CASKIN1: variants seen among roughly 807,000 people sequenced by gnomAD.
The protein encoded by CASKIN1 is caskin-1.
Under a neutral mutation model 117.5 loss-of-function variants are expected in CASKIN1, and 42 were observed. The ratio of observed to expected loss-of-function variants is 0.36; its 90% CI spans 0.28 to 0.46. The LOEUF (loss-of-function observed/expected upper bound fraction) is 0.46. CASKIN1 is among the 20% of genes least tolerant of loss of function. The pLI is 1.00. For synonymous variants in CASKIN1, 1,148 were observed against 961.7 expected, an observed-to-expected ratio of 1.19 and a Z score of -3.59; for missense variants, 2,083 against 2,077.3, an observed-to-expected ratio of 1.00 and a Z score of -0.05.
At chr16:2,195,227 T>C (rs552810531) in intron 1 of CASKIN1, among the ~76,000 whole-genome samples, 1 of 152,280 alleles carries the variant, frequency 6.6e-6, no homozygotes, top group East Asian at 1.9e-4. Flanking sequence ...TAGCCAGTCA[T>C]GGGCTGCTGG....
At chr16:2,194,719 C>T (rs1352928270) in intron 1 of CASKIN1, among the ~76,000 whole-genome samples, 2 of 152,194 alleles carry the variant, frequency 1.3e-5, no homozygotes, top group African/African-American at 4.8e-5. Context: ...GCAGGTGTCT[C>T]TCCTGTCCCA....
chr16:2,185,648 G>T (rs958100926), intron 10 of CASKIN1, among the ~76,000 whole-genome samples: 5 of 152,262 alleles, frequency 3.3e-5, no homozygotes, highest in Admixed American at 3.3e-4. Flanking sequence ...TGGGCAGGGG[G>T]CCAGAGATTG....
chr16:2,178,518 G>T lies in CASKIN1; in HGVS notation c.*32C>A. 6.6e-7 allele frequency: 1 copy of T among 1,526,296 alleles called. No homozygotes were observed. Among genetic ancestry groups the T allele is most frequent in the East Asian group, 2.6e-5 (1 of 39,138 alleles). 94.5% of individuals were successfully genotyped at this position (1,526,296 alleles called of 1,614,324 possible). ...ATAGGTCAGTGTGCGGGGAGGGCCC[G>T]GGCGGCGCGGGAGGGCCCGGCCAGG... On this transcript the variant is annotated 3_prime_UTR_variant, in exon 20 of 20. Coordinates refer to ENST00000343516, the MANE Select transcript of CASKIN1 (RefSeq NM_020764.4).
rs574783614 is a variant in CASKIN1 at position 2,189,268 on chromosome 16, C to T, written c.456G>A (p.Leu152=). The change falls in exon 5 of 20, where the codon CTG becomes CTA. Residue 152 remains leucine, a synonymous_variant. Coordinates refer to ENST00000343516, the MANE Select transcript of CASKIN1 (RefSeq NM_020764.4). The stretch of plus-strand genomic sequence containing the variant: ...CGCGGCCGAACTCGCAGGCCAGGTC[C>T]AGGGGCGTCTTCCCCGAGTTGTCCA... ...CMVDNSGKTP[L]DLACEFGRVG... 3.2e-5 allele frequency: 51 copies of T among 1,613,286 alleles called. 2 individuals are homozygous for T. In the South Asian group the frequency reaches 3.8e-4, roughly 12 times the overall value.
intron 16 of CASKIN1, among the ~76,000 whole-genome samples, chr16:2,183,041 C>A (rs1289729247): frequency 6.6e-6 from 1 of 152,232 alleles, no homozygotes; most frequent in Non-Finnish European, 1.5e-5. Context: ...CCTACCTCGG[C>A]CTCCCAAAGT....
chr16:2,180,851 G>A lies in CASKIN1; in HGVS notation c.2517C>T (p.Pro839=), dbSNP rs541957148. ...CAGCCGGCCCCACCTCGCCCTCCACGGGCTGGGGCAGCACGTAGGCAAAGC... is the reference window on the plus strand; with the variant it reads ...CAGCCGGCCCCACCTCGCCCTCCACAGGCTGGGGCAGCACGTAGGCAAAGC... ...HRGFAYVLPQ[P]VEGEVGPAAP... is the part of the protein sequence containing the mutation. The change falls in exon 18 of 20, where the codon CCC becomes CCT. Residue 839 remains proline, a synonymous_variant. Coordinates refer to ENST00000343516, the MANE Select transcript of CASKIN1 (RefSeq NM_020764.4). 34 of 1,399,806 alleles carry A rather than the reference G, an allele frequency of 2.4e-5. 2 individuals carry two copies. The South Asian group carries it at 4.1e-4, about 17-fold the overall frequency. The allele number at this position is 1,399,806 out of a possible 1,614,324, so 86.7% of individuals were successfully genotyped here. A position where few individuals can be genotyped will look rare whatever the true frequency, so the allele number is the denominator to read the frequency against.
At chr16:2,185,282 T>C (rs1670048940) in intron 11 of CASKIN1, 25 bp downstream of exon 11, 2 of 1,595,380 alleles carry the variant, frequency 1.3e-6, no homozygotes, top group African/African-American at 2.7e-5. Flanking sequence ...TCCTGCCACC[T>C]CTGCCCTTCA....
rs770934326 is a variant in CASKIN1, at chr16:2,189,517, T to C, written c.292A>G (p.Met98Val). 3.1e-6 allele frequency: 5 copies of C among 1,611,964 alleles called. No homozygotes were observed. The highest frequency in any genetic ancestry group is 4.2e-6 in the Non-Finnish European group (5 of 1,179,754). Residue 98 changes from methionine (M) to valine (V), a missense_variant, in exon 4 of 20, where the codon ATG (methionine) becomes GTG (valine). Physicochemically the swap from Met to Val is conservative, Grantham distance 21. Around this residue, in one of 3 missense-constraint regions of CASKIN1, gnomAD observed 203 missense variants for 338.7 expected, o/e 0.60. Transcript: ENST00000343516. ...GAGCCCGCCTTCAGCACCAGCTTCA[T>C]GGGCTCCTTCCGGCCCTGCCAGGCC... ...YAAWQGRKEPMKLVLKAGSAV... is the reference protein window; with the variant it reads ...YAAWQGRKEPVKLVLKAGSAV...
At position 2,180,596 on chromosome 16, in the gene CASKIN1, T is replaced by A; in HGVS notation, c.2772A>T (p.Ala924=). The A allele has an allele frequency of 6.4e-7, 1 of 1,573,074 alleles. No homozygotes were observed. Among genetic ancestry groups the A allele is most frequent in the South Asian group, 1.1e-5 (1 of 87,554 alleles). ...VGRSHSVRAP[A]GADKNVNRSQ... ...TGCGGTTGACGTTCTTGTCGGCACC[T>A]GCGGGCGCCCTCACTGAGTGGCTGC... Residue 924 remains alanine, a synonymous_variant, in exon 18 of 20, where the codon GCA becomes GCT. Coordinates refer to ENST00000343516, the MANE Select transcript of CASKIN1 (RefSeq NM_020764.4).
Position 2,183,744 on chromosome 16 carries a change from G to C in CASKIN1, c.1531C>G (p.Leu511Val). The change falls in exon 16 of 20, where the codon CTC becomes GTC. Residue 511 changes from leucine (L) to valine (V), a missense_variant. Physicochemically the swap from Leu to Val is conservative, Grantham distance 32 (BLOSUM62 1). This residue lies in a region of CASKIN1 where 1,818 missense variants were observed against 1,688.9 expected (regional missense o/e 1.08). Transcript: ENST00000343516. ...PTISRMTPED[L>V]TAIGVTKPGH... Reference sequence around the variant, plus strand: ...GGCTTGGTGACACCAATGGCCGTGAGGTCCTAGGCAGTGGGGAGGCTTGTC... The same window carrying C: ...GGCTTGGTGACACCAATGGCCGTGACGTCCTAGGCAGTGGGGAGGCTTGTC... 1 of 1,613,312 alleles carries C rather than the reference G, an allele frequency of 6.2e-7. No individual in the cohort carries two copies. Among genetic ancestry groups the C allele is most frequent in the Non-Finnish European group, 8.5e-7 (1 of 1,179,948 alleles).
At chr16:2,188,997 G>A (rs1394232939) in intron 6 of CASKIN1, 30 bp downstream of exon 6, 2 of 1,598,630 alleles carry the variant, frequency 1.3e-6, no homozygotes, top group East Asian at 2.2e-5. Flanking sequence ...GGGACCCTAA[G>A]GCTGAGGCCC....
intron 1 of CASKIN1, among the ~76,000 whole-genome samples, chr16:2,194,876 G>A (rs543548781): frequency 1.3e-5 from 2 of 152,172 alleles, no homozygotes; most frequent in East Asian, 1.9e-4. Flanking sequence ...CCAAGACTGC[G>A]GTCATTGCTG....
At chr16:2,184,456 C>T (rs564735429) in intron 14 of CASKIN1, among the ~76,000 whole-genome samples, 9 of 152,284 alleles carry the variant, frequency 5.9e-5, no homozygotes, top group African/African-American at 1.9e-4. Flanking sequence ...CCCATGCACA[C>T]GCTGCACCAT....
At chr16:2,190,251 GCCTCTCTAGGAGCCA>G in intron 2 of CASKIN1, 41 bp downstream of exon 2, 1 of 1,583,582 alleles carries the variant, frequency 6.3e-7, no homozygotes, top group South Asian at 1.1e-5. Context: ...CGGCACCTAG[GCCTCTCTAGGAGCCA>G]CCCTCCCTTC....
rs1438766439 is a variant in CASKIN1 at position 2,179,686 on chromosome 16, G to A, written c.3682C>T (p.Pro1228Ser). 6.5e-7 allele frequency: 1 copy of A among 1,527,848 alleles called. No homozygotes were observed. Among genetic ancestry groups the A allele is most frequent in the South Asian group, 1.3e-5 (1 of 78,018 alleles). 94.6% of individuals were successfully genotyped at this position (1,527,848 alleles called of 1,614,324 possible). The part of the protein sequence containing the change: ...ARKPAKPPVS[P>S]KPVLTQPVPK... ...ACAGGCTGCGTCAGGACGGGCTTGG[G>A]AGAGACAGGCGGCTTGGCCGGCTTC... The change falls in exon 18 of 20, where the codon CCC (proline) becomes TCC (serine). Residue 1228 changes from proline to serine, a missense_variant. By Grantham distance (74) the Pro-to-Ser change is moderately conservative (BLOSUM62 -1). Transcript: ENST00000343516. This position sits in a 1 kb window ranked among gnomAD's most constrained non-coding sequence, Gnocchi z 5.8.
intron 1 of CASKIN1, among the ~76,000 whole-genome samples, chr16:2,194,236 G>T (rs1401468891): frequency 1.3e-5 from 2 of 152,118 alleles, no homozygotes; most frequent in Non-Finnish European, 1.5e-5. Flanking sequence ...ATGGACAGGG[G>T]GCCTCCATGG....
chr16:2,181,163 G>C lies in CASKIN1; in HGVS notation c.2205C>G (p.Pro735=). The change falls in exon 18 of 20, where the codon CCC becomes CCG. Residue 735 remains proline (P), a synonymous_variant. Coordinates refer to ENST00000343516, the MANE Select transcript of CASKIN1 (RefSeq NM_020764.4). Reference sequence around the variant, plus strand: ...GCCGGGCCTCCCTGGGCGGGGTGCCGGGGGCGGGGCCCTCATCCAGGAGGT... The same window carrying C: ...GCCGGGCCTCCCTGGGCGGGGTGCCCGGGGCGGGGCCCTCATCCAGGAGGT... ...QEYLLDEGPA[P]GTPPREARPG... 6.7e-7 allele frequency: 1 copy of C among 1,501,220 alleles called. No homozygotes were observed. The highest frequency in any genetic ancestry group is 8.8e-7 in the Non-Finnish European group (1 of 1,135,180). The allele number at this position is 1,501,220 out of a possible 1,614,324, so 93.0% of individuals were successfully genotyped here. A position where few individuals can be genotyped will look rare whatever the true frequency, so the allele number is the denominator to read the frequency against.
chr16:2,181,610 C>A lies in CASKIN1; in HGVS notation c.1769-11G>T. On this transcript the variant is annotated splice_polypyrimidine_tract_variant and intron_variant, in intron 17 of 19. Coordinates refer to ENST00000343516, the MANE Select transcript of CASKIN1 (RefSeq NM_020764.4). ...GCTTCTTCTGGTGCCCTGAGTGGGG[C>A]GCAGGGGGCAGGTCAGGTGGACCAG... 1.3e-6 allele frequency: 2 copies of A among 1,486,478 alleles called. No individual in the cohort carries two copies. The highest frequency in any genetic ancestry group is 9.0e-7 in the Non-Finnish European group (1 of 1,111,034). 92.1% of individuals were successfully genotyped at this position (1,486,478 alleles called of 1,614,324 possible).
rs1295967697 is a variant in CASKIN1, at chr16:2,180,040, C to T, written c.3328G>A (p.Val1110Ile). Residue 1110 changes from valine (V) to isoleucine (I), a missense_variant, in exon 18 of 20, where the codon GTC becomes ATC. By Grantham distance (29) the Val-to-Ile change is conservative (BLOSUM62 3). Coordinates refer to ENST00000343516, the MANE Select transcript of CASKIN1 (RefSeq NM_020764.4). ...PRGPSKGEAG[V>I]EGPPLAKVEA... ...ACCTTGGCCAAGGGCGGGCCTTCGA[C>T]ACCCGCCTCGCCCTTGGAGGGACCC... is the stretch of plus-strand genomic sequence containing the variant. 3.8e-6 allele frequency: 6 copies of T among 1,580,712 alleles called. No individual in the cohort carries two copies. The highest frequency in any genetic ancestry group is 2.7e-5 in the African/African-American group (2 of 73,966).
Sources: gnomAD v4.1 joint callset for allele counts (sites outside exome capture counted in the v4.1 genomes callset) on GRCh38, gnomAD v4.1.1 for gene constraint, gnomAD v4.1.1 regional missense constraint, Gnocchi (gnomAD v3.1) non-coding constraint, MANE v1.5 for transcripts, NCBI Gene and HGNC (gene_info 2026-07-23, HGNC 2026-07-21) for gene names.